GARNL3: variants seen among roughly 807,000 people sequenced by gnomAD.
GARNL3 encodes the protein GTPase-activating Rap/Ran-GAP domain-like protein 3.
In GARNL3, 63 loss-of-function variants were observed where a neutral mutation model predicts 125.0. That is an observed-to-expected ratio of 0.50 (90% CI 0.41 to 0.62). The LOEUF (loss-of-function observed/expected upper bound fraction) is 0.62, where lower values mean the gene tolerates loss of function less well. Among genes scored for constraint, GARNL3 ranks in the 20% least tolerant of loss-of-function variants. The pLI is 0.00. For synonymous variants in GARNL3, 439 were observed against 457.5 expected, an observed-to-expected ratio of 0.96 and a Z score of 0.52; for missense variants, 994 against 1,244.0, an observed-to-expected ratio of 0.80 and a Z score of 3.02.
intron 20 of GARNL3, 138 bp downstream of exon 20, chr9:127,355,610 C>T: frequency 2.6e-6 from 2 of 755,230 alleles, no homozygotes; most frequent in Non-Finnish European, 4.5e-6. Flanking sequence ...ATCTCTGGTG[C>T]CCTTGTTTCC....
chr9:127,352,386 C>T (rs968996602), intron 17 of GARNL3, among the ~76,000 whole-genome samples: 1 of 152,170 alleles, frequency 6.6e-6, no homozygotes, highest in East Asian at 1.9e-4. Context: ...TATATGTTAC[C>T]TGTCCTTGCT....
rs2062984959 is a variant in GARNL3, at chr9:127,230,686, A to T, written c.-29+6348A>T. On this transcript the variant is annotated intron_variant, in intron 1 of 10. Transcript: ENST00000439286. ...AAAAAAAAAAAAGACGTTTACATAA[A>T]AATTCTTCTCAACCTTTTCCTCCCC... is the stretch of plus-strand genomic sequence containing the variant. Among the ~76,000 whole-genome samples, 3 of 151,752 alleles carry T rather than the reference A, an allele frequency of 2.0e-5. No individual in the cohort carries two copies. In the South Asian group the frequency reaches 6.2e-4, roughly 32 times the overall value.
In GARNL3 at chr9:127,237,770, C is replaced by T. The variant is rs1056757971; in HGVS notation, c.-28-5309C>T. On this transcript the variant is annotated intron_variant, in intron 1 of 10. Transcript: ENST00000439286. ...TAGACTTTCCAACCATAAGTGTCAGCGATTGCATAGTTTCAGCACAAATGG... is the reference window on the plus strand; with the variant it reads ...TAGACTTTCCAACCATAAGTGTCAGTGATTGCATAGTTTCAGCACAAATGG... Among the ~76,000 whole-genome samples the T allele has an allele frequency of 5.9e-5, 9 of 152,156 alleles. No homozygotes were observed. In the East Asian group the frequency reaches 9.6e-4, roughly 16 times the overall value.
At chr9:127,276,568 G>A (rs111346819) in intron 1 of GARNL3, among the ~76,000 whole-genome samples, 8 of 152,102 alleles carry the variant, frequency 5.3e-5, no homozygotes, top group African/African-American at 1.7e-4. Flanking sequence ...GTGCATGGGC[G>A]CATTTGCCTA....
intron 2 of GARNL3, among the ~76,000 whole-genome samples, chr9:127,255,309 GGGTTAGAGCTACA>G (rs1458924102): frequency 6.6e-5 from 10 of 152,212 alleles, no homozygotes; most frequent in Admixed American, 2.6e-4. Flanking sequence ...TAAAGTGGGT[GGGTTAGAGCTACA>G]GGCATCACCA....
At chr9:127,225,431 G>A (rs180722632) in intron 1 of GARNL3, 2 of 937,882 alleles carry the variant, frequency 2.1e-6, no homozygotes, top group African/African-American at 3.6e-5. Context: ...GGGTGCGGCC[G>A]GGCGGGGTGC....
intron 1 of GARNL3, among the ~76,000 whole-genome samples, chr9:127,290,641 C>T (rs1473067212): frequency 6.6e-6 from 1 of 152,216 alleles, no homozygotes; most frequent in Non-Finnish European, 1.5e-5. Context: ...TGTCTATTTG[C>T]AAGCATCACC....
chr9:127,275,580 C>T (rs1049343161), intron 1 of GARNL3, among the ~76,000 whole-genome samples: 8 of 152,044 alleles, frequency 5.3e-5, no homozygotes, highest in Admixed American at 1.3e-4. Flanking sequence ...AGCTTTTGGC[C>T]CTGTTTGTTA....
At chr9:127,376,162 G>A (rs1229531927) in intron 22 of GARNL3, among the ~76,000 whole-genome samples, 1 of 152,168 alleles carries the variant, frequency 6.6e-6, no homozygotes, top group African/African-American at 2.4e-5. Flanking sequence ...GTTTCACCAT[G>A]TCAGCCAGGC....
chr9:127,360,172 G>A (rs1233019279), intron 21 of GARNL3, among the ~76,000 whole-genome samples: 1 of 152,026 alleles, frequency 6.6e-6, no homozygotes, highest in Non-Finnish European at 1.5e-5. Context: ...TACAGGCACA[G>A]CCACCATGCC....
upstream of GARNL3, among the ~76,000 whole-genome samples, chr9:127,262,533 C>G (rs1257285824): frequency 1.3e-5 from 2 of 152,200 alleles, no homozygotes; most frequent in Non-Finnish European, 2.9e-5. Context: ...GGCCACACAT[C>G]CTGCAAGAGG....
chr9:127,249,563 G>A (rs1299787144), intron 2 of GARNL3, among the ~76,000 whole-genome samples: 1 of 152,086 alleles, frequency 6.6e-6, no homozygotes, highest in African/African-American at 2.4e-5. Context: ...TTCTGCCTGG[G>A]TGATAGAGTG....
At chr9:127,282,386 A>C (rs1296461641) in intron 1 of GARNL3, among the ~76,000 whole-genome samples, 5 of 152,226 alleles carry the variant, frequency 3.3e-5, no homozygotes, top group Admixed American at 1.3e-4. Context: ...ATGTCCAGGT[A>C]CTATTCTAGG....
intron 1 of GARNL3, among the ~76,000 whole-genome samples, chr9:127,230,383 G>A (rs1199603166): frequency 6.6e-6 from 1 of 152,206 alleles, no homozygotes; most frequent in Non-Finnish European, 1.5e-5. Context: ...CATTCAGCCG[G>A]GCATGGTGGC....
chr9:127,247,355 A>G (rs1465106039), intron 2 of GARNL3, among the ~76,000 whole-genome samples: 1 of 152,188 alleles, frequency 6.6e-6, no homozygotes, highest in African/African-American at 2.4e-5. Context: ...GGGTTCATGG[A>G]ACCCAAACTA....
chr9:127,324,277 A>T (rs186892395), intron 6 of GARNL3, among the ~76,000 whole-genome samples: 1 of 152,312 alleles, frequency 6.6e-6, no homozygotes, highest in African/African-American at 2.4e-5. Flanking sequence ...AAGAAAGAAT[A>T]AAATAATAAA....
chr9:127,359,757 A>C (rs1830885019), intron 21 of GARNL3, among the ~76,000 whole-genome samples: 1 of 152,314 alleles, frequency 6.6e-6, no homozygotes, highest in East Asian at 1.9e-4. Flanking sequence ...GCTATAGAGA[A>C]TATCATTTTA....
intron 1 of GARNL3, among the ~76,000 whole-genome samples, chr9:127,276,076 A>G (rs1026437140): frequency 6.6e-6 from 1 of 150,950 alleles, no homozygotes. Flanking sequence ...GCTCTTGCCA[A>G]GGTCACCAAA....
chr9:127,264,050 A>G (rs974340981), upstream of GARNL3: 15 of 1,122,284 alleles, frequency 1.3e-5, 1 homozygote, highest in Admixed American at 2.5e-4. Flanking sequence ...TTTTGAATAT[A>G]GTAAACATGT....
Sources: gnomAD v4.1 joint callset for allele counts (sites outside exome capture counted in the v4.1 genomes callset) on GRCh38, gnomAD v4.1.1 for gene constraint, MANE v1.5 for transcripts, NCBI Gene and HGNC (gene_info 2026-07-23, HGNC 2026-07-21) for gene names.